Variants in NRP2 observed in about 807,000 individuals in gnomAD.
NRP2 encodes the protein neuropilin-2.
A neutral mutation model predicts 110.4 loss-of-function variants in NRP2; 52 were observed. That is an observed-to-expected ratio of 0.47 (90% CI 0.38 to 0.59). The LOEUF (loss-of-function observed/expected upper bound fraction) is 0.59, where lower values mean the gene tolerates loss of function less well. Among genes scored for constraint, NRP2 ranks in the 20% least tolerant of loss-of-function variants. The probability of loss-of-function intolerance (pLI) is 0.00; values close to 1 mark genes in which losing one functional copy is unlikely to be tolerated. For missense variants in NRP2, 1,049 were observed against 1,203.0 expected (o/e 0.87, Z 1.89); for synonymous variants, 508 against 468.9 (o/e 1.08, Z -1.08).
At chr2:205,716,156 C>T in intron 2 of NRP2, 37 bp from the exon 3 acceptor site, 4 of 1,607,054 alleles carry the variant, frequency 2.5e-6, no homozygotes, top group Non-Finnish European at 3.4e-6. Context: ...TCATGTCCTT[C>T]GAGTGATCTT....
chr2:205,688,350 G>A (rs536569413), intron 1 of NRP2, among the ~76,000 whole-genome samples: 24 of 152,286 alleles, frequency 1.6e-4, no homozygotes, highest in African/African-American at 5.8e-4. Context: ...GTTCCTTCCA[G>A]GTAAGGACTT....
intron 15 of NRP2, among the ~76,000 whole-genome samples, chr2:205,783,506 A>G (rs2058200430): frequency 6.6e-6 from 1 of 152,246 alleles, no homozygotes; most frequent in South Asian, 2.1e-4. Context: ...AGGTAAACCT[A>G]CACACCAAGA....
chr2:205,697,019 C>T (rs1012217303), intron 1 of NRP2, among the ~76,000 whole-genome samples: 1 of 152,182 alleles, frequency 6.6e-6, no homozygotes, highest in Non-Finnish European at 1.5e-5. Flanking sequence ...GCTTCCTCTG[C>T]ACCACATGTA....
chr2:205,792,447 C>G (rs1055968087), intron 16 of NRP2, among the ~76,000 whole-genome samples, 162 bp downstream of exon 16: 4 of 152,222 alleles, frequency 2.6e-5, no homozygotes, highest in Non-Finnish European at 5.9e-5. Context: ...ATCAATGGAT[C>G]TGTCAGGGTC....
At chr2:205,759,443 A>C (rs987540263) in intron 12 of NRP2, 1 of 152,210 alleles carries the variant, frequency 6.6e-6, no homozygotes, top group Non-Finnish European at 1.5e-5. Flanking sequence ...ATTTAAAGCA[A>C]AGGGTGGACA....
chr2:205,698,981 T>A (rs73983220), intron 2 of NRP2, among the ~76,000 whole-genome samples: 2,900 of 152,334 alleles, frequency 0.019, 101 homozygotes, highest in African/African-American at 0.065. Flanking sequence ...TGAGGCTCAG[T>A]GAATTGATGT....
intron 11 of NRP2, among the ~76,000 whole-genome samples, chr2:205,751,626 G>A (rs1269164162): frequency 6.6e-6 from 1 of 152,106 alleles, no homozygotes; most frequent in Non-Finnish European, 1.5e-5. Context: ...TACAGGGCCT[G>A]GTGGCAATCT....
At chr2:205,726,203 CCATTCATT>C (rs1387375534) in intron 6 of NRP2, 121 bp downstream of exon 6, 1 of 999,582 alleles carries the variant, frequency 1.0e-6, no homozygotes, top group East Asian at 2.6e-5. Context: ...CCTGAGAACT[CCATTCATT>C]CATTCATCCA....
At chr2:205,722,143 T>TA in intron 3 of NRP2, 1 of 310,744 alleles carries the variant, frequency 3.2e-6, no homozygotes, top group East Asian at 6.6e-5. Flanking sequence ...TTCAAGAGAA[T>TA]CCCTCTCTCT....
At chr2:205,750,421 A>T (rs1458932225) in intron 11 of NRP2, among the ~76,000 whole-genome samples, 2 of 152,216 alleles carry the variant, frequency 1.3e-5, no homozygotes, top group African/African-American at 4.8e-5. Context: ...CAGATCAGAG[A>T]CAAAGGCGGA....
At chr2:205,702,164 C>A (rs186148916) in intron 2 of NRP2, among the ~76,000 whole-genome samples, 1 of 152,356 alleles carries the variant, frequency 6.6e-6, no homozygotes, top group East Asian at 1.9e-4. Flanking sequence ...GGACTATTTT[C>A]TATCAATCCT....
At chr2:205,753,273 G>A (rs2057681225) in intron 12 of NRP2, among the ~76,000 whole-genome samples, 2 of 152,180 alleles carry the variant, frequency 1.3e-5, no homozygotes, top group East Asian at 1.9e-4. Context: ...AGGAGATGGG[G>A]CACGAGTCAG....
At position 205,743,321 on chromosome 2, in the gene NRP2, C is replaced by A. The variant is rs774680234; in HGVS notation, c.1410C>A (p.Ser470Arg). The A allele has an allele frequency of 5.0e-6, 8 of 1,614,040 alleles. No individual in the cohort carries two copies. The highest frequency in any genetic ancestry group is 1.3e-5 in the African/African-American group (1 of 74,932). ...WSPSAARLVS[S>R]RSGWFPRIPQ... ...CCAGTGCAGCCCGCCTGGTTAGCAG[C>A]CGCTCGGGCTGGTTCCCTCGAATCC... Residue 470 changes from serine (S) to arginine (R), a missense_variant, in exon 9 of 17, where the codon AGC becomes AGA. Ser to Arg is a moderately radical substitution (Grantham distance 110, BLOSUM62 -1). Coordinates refer to ENST00000357785, the MANE Select transcript of NRP2 (RefSeq NM_003872.3).
At chr2:205,787,531 C>T (rs1012466834) in intron 15 of NRP2, among the ~76,000 whole-genome samples, 14 of 152,056 alleles carry the variant, frequency 9.2e-5, no homozygotes, top group Non-Finnish European at 1.3e-4. Flanking sequence ...CTTTACAATG[C>T]GGGAAGTAAA....
intron 15 of NRP2, among the ~76,000 whole-genome samples, chr2:205,774,922 G>T (rs964549512): frequency 3.9e-5 from 6 of 152,100 alleles, no homozygotes; most frequent in African/African-American, 2.4e-5. Flanking sequence ...AAGGAGCTCT[G>T]AATCTTAGGG....
intron 8 of NRP2, 78 bp downstream of exon 8, chr2:205,740,741 C>A: frequency 6.6e-7 from 1 of 1,523,412 alleles, no homozygotes; most frequent in Non-Finnish European, 9.0e-7. Context: ...CTGCAAACAG[C>A]ATGACTGCAC....
intron 11 of NRP2, among the ~76,000 whole-genome samples, chr2:205,751,856 T>A (rs1169941665): frequency 6.6e-6 from 1 of 152,194 alleles, no homozygotes; most frequent in Non-Finnish European, 1.5e-5. Context: ...TTAGCCAACA[T>A]TTTTCCACTG....
chr2:205,705,406 A>G (rs2056653597), intron 2 of NRP2, among the ~76,000 whole-genome samples: 1 of 152,232 alleles, frequency 6.6e-6, no homozygotes, highest in Non-Finnish European at 1.5e-5. Context: ...AAGAAGGAAA[A>G]GGAAAAGGAG....
At position 205,795,177 on chromosome 2, in the gene NRP2, C is replaced by A. The variant is rs1199552818; in HGVS notation, c.*119C>A. On this transcript the variant is annotated 3_prime_UTR_variant, in exon 17 of 17. Transcript: ENST00000357785. The stretch of plus-strand genomic sequence containing the variant: ...ATCTCGATCAAACCGATCCAGAATA[C>A]CGAAGGTATGGACAGGACAGAAAAG... The A allele has an allele frequency of 2.9e-6, 3 of 1,036,238 alleles. No homozygotes were observed. Among genetic ancestry groups the A allele is most frequent in the African/African-American group, 3.2e-5 (2 of 63,156 alleles). The allele number at this position is 1,036,238 out of a possible 1,614,324, so 64.2% of individuals were successfully genotyped here.
Sources: allele counts gnomAD v4.1 joint callset (sites outside exome capture counted in the v4.1 genomes callset), GRCh38; gene constraint gnomAD v4.1.1; transcripts MANE v1.5; gene names NCBI Gene and HGNC (gene_info 2026-07-23, HGNC 2026-07-21).